The following SLC30A4 variants were observed in gnomAD, a reference collection of about 807,000 sequenced individuals.
SLC30A4 encodes probable proton-coupled zinc antiporter SLC30A4.
SLC30A4 carries 20 observed loss-of-function variants against 41.7 expected under a neutral mutation model. The observed-to-expected ratio is 0.48, with a 90% CI of 0.34 to 0.70. The LOEUF is 0.70. SLC30A4 is among the 30% of genes least tolerant of loss of function. The pLI, the probability that SLC30A4 is intolerant of heterozygous loss-of-function variation, is 0.01. For synonymous variants in SLC30A4, 181 were observed against 195.9 expected (o/e 0.92, Z 0.64); for missense variants, 441 against 529.3 (o/e 0.83, Z 1.64).
intron 2 of SLC30A4, chr15:45,515,749 C>CT (rs1025282766): frequency 1.0e-3 from 147 of 144,874 alleles, no homozygotes; most frequent in African/African-American, 2.1e-3. Flanking sequence ...AATTTCTTTT[C>CT]TTTTTTTTTT....
At chr15:45,485,751 CTT>C (rs1272568983) in intron 7 of SLC30A4, among the ~76,000 whole-genome samples, 1 of 147,692 alleles carries the variant, frequency 6.8e-6, no homozygotes, top group Non-Finnish European at 1.5e-5. Context: ...GAGTTTCGCT[CTT>C]GTTGCCCAGG....
intron 3 of SLC30A4, 60 bp from the exon 4 acceptor site, chr15:45,490,941 A>C: frequency 2.7e-6 from 3 of 1,116,576 alleles, no homozygotes; most frequent in Non-Finnish European, 3.8e-6. Flanking sequence ...ACTTCATACC[A>C]ACTAAATATT....
chr15:45,500,239 T>C (rs573676465), intron 3 of SLC30A4, among the ~76,000 whole-genome samples: 11 of 152,204 alleles, frequency 7.2e-5, no homozygotes, highest in Non-Finnish European at 1.5e-4. Context: ...AACAGAAGGC[T>C]GAAACTAACT....
chr15:45,494,686 TCAAAA>T (rs146741531), intron 3 of SLC30A4, among the ~76,000 whole-genome samples: 56 of 151,416 alleles, frequency 3.7e-4, no homozygotes, highest in African/African-American at 6.1e-4. Context: ...AGACTCTGTC[TCAAAA>T]CAAAACAAAA....
At position 45,481,734 on chromosome 15, in the gene SLC30A4, C is replaced by T. The variant is rs1193001653; in HGVS notation, c.*3429G>A. On this transcript the variant is annotated 3_prime_UTR_variant, in exon 8 of 8. Coordinates refer to ENST00000261867, the MANE Select transcript of SLC30A4 (RefSeq NM_013309.6). ...CAAACGCTTTTTGTCAGAAGTCATT[C>T]AGTCCTTGGTCCTATCTGCTAAGTT... is the stretch of plus-strand genomic sequence containing the variant. The T allele has an allele frequency of 6.6e-6, 1 of 152,156 alleles. No homozygotes were observed. Among genetic ancestry groups the T allele is most frequent in the Non-Finnish European group, 1.5e-5 (1 of 68,026 alleles). The allele number at this position is 152,156 out of a possible 1,614,324, so 9.4% of individuals were successfully genotyped here.
rs533266861 is a variant in SLC30A4 at position 45,500,602 on chromosome 15, T to C, written c.539-9721A>G. 1.5e-3 allele frequency among the ~76,000 whole-genome samples: 227 copies of C among 150,896 alleles called. 1 individual carries two copies. Among genetic ancestry groups the C allele is most frequent in the Admixed American group, 3.0e-3 (44 of 14,906 alleles). ...CCAGTACAACAGTACTATCCAGCTA[T>C]GTTAAGGGTCTGTCTATCTATCTAT... is the stretch of plus-strand genomic sequence containing the variant. On this transcript the variant is annotated intron_variant, in intron 3 of 7. Transcript: ENST00000261867.
intron 2 of SLC30A4, chr15:45,519,746 T>C (rs1226974673): frequency 6.6e-6 from 1 of 152,246 alleles, no homozygotes; most frequent in African/African-American, 2.4e-5. Context: ...AATTATATCT[T>C]AATGATTTTT....
In SLC30A4 at chr15:45,522,248, C is replaced by A; in HGVS notation, c.107G>T (p.Gly36Val). The part of the protein sequence containing the change: ...TSAFDFSDEA[G>V]DEGLSRFNKL... Reference sequence around the variant, plus strand: ...GTTGAACCGAGAAAGCCCCTCGTCCCCCGCCTCATCCGAGAAGTCAAAGGC... The same window carrying A: ...GTTGAACCGAGAAAGCCCCTCGTCCACCGCCTCATCCGAGAAGTCAAAGGC... The change falls in exon 2 of 8, where the codon GGG becomes GTG. Residue 36 changes from glycine (G) to valine (V), a missense_variant. Coordinates refer to ENST00000261867, the MANE Select transcript of SLC30A4 (RefSeq NM_013309.6). 1 of 1,614,220 alleles carries A rather than the reference C, an allele frequency of 6.2e-7. No individual in the cohort carries two copies. Among genetic ancestry groups the A allele is most frequent in the Non-Finnish European group, 8.5e-7 (1 of 1,180,040 alleles).
At chr15:45,508,526 T>C (rs895979437) in intron 3 of SLC30A4, among the ~76,000 whole-genome samples, 3 of 152,206 alleles carry the variant, frequency 2.0e-5, no homozygotes, top group Non-Finnish European at 4.4e-5. Context: ...TCAGAGTATG[T>C]TCTACACATT....
chr15:45,489,390 C>T (rs1193088572), intron 4 of SLC30A4, among the ~76,000 whole-genome samples: 1 of 151,916 alleles, frequency 6.6e-6, no homozygotes, highest in Non-Finnish European at 1.5e-5. Context: ...TTTCTCTAAG[C>T]AGATACCTGA....
At chr15:45,487,426 G>A (rs1363190202) in intron 6 of SLC30A4, 101 bp downstream of exon 6, 2 of 631,712 alleles carry the variant, frequency 3.2e-6, no homozygotes, top group East Asian at 2.6e-5. Flanking sequence ...AAAGGTATTA[G>A]TAAAAAGCAA....
intron 3 of SLC30A4, 21 bp downstream of exon 3, chr15:45,511,117 A>G (rs1892278807): frequency 6.2e-7 from 1 of 1,600,674 alleles, no homozygotes; most frequent in Non-Finnish European, 8.5e-7. Flanking sequence ...TTATAAAGCA[A>G]AAGAAACACC....
At position 45,487,291 on chromosome 15, in the gene SLC30A4, T is replaced by C. The variant is rs528048151; in HGVS notation, c.1000+236A>G. On this transcript the variant is annotated intron_variant, in intron 6 of 7. Coordinates refer to ENST00000261867, the MANE Select transcript of SLC30A4 (RefSeq NM_013309.6). ...CAATTTTCTTATTTGTAAATGGGGA[T>C]AATTTACCACATTATCTGCCTTACC... Among the ~76,000 whole-genome samples the C allele has an allele frequency of 3.9e-5, 6 of 152,348 alleles. No individual in the cohort carries two copies. In the South Asian group the frequency reaches 1.2e-3, roughly 32 times the overall value.
Position 45,488,920 on chromosome 15 carries a change from C to T in SLC30A4, c.815G>A (p.Arg272Lys), listed in dbSNP as rs770957613. 6.2e-7 allele frequency: 1 copy of T among 1,614,066 alleles called. No individual in the cohort carries two copies. Residue 272 changes from arginine to lysine, a missense_variant, in exon 5 of 8, where the codon AGA becomes AAA. Transcript: ENST00000261867. ...RNHGQDSLAVRAAFVHALGDL... is the reference protein window; with the variant it reads ...RNHGQDSLAVKAAFVHALGDL... Reference sequence around the variant, plus strand: ...TCCCAAAGCATGTACAAATGCAGCTCTCACTGCCAGGCTATCCTGCCCATG... The same window carrying T: ...TCCCAAAGCATGTACAAATGCAGCTTTCACTGCCAGGCTATCCTGCCCATG...
In SLC30A4 at chr15:45,522,049, T is replaced by C; in HGVS notation, c.306A>G (p.Arg102=). 1 of 1,614,202 alleles carries C rather than the reference T, an allele frequency of 6.2e-7. No individual in the cohort carries two copies. The highest frequency in any genetic ancestry group is 8.5e-7 in the Non-Finnish European group (1 of 1,180,020). ...VDSCDNCSKQ[R]EILKQRKVKA... ...TCACCTTTCTCTGCTTCAGTATCTC[T>C]CTCTGTTTGCTGCAGTTGTCACAGG... Residue 102 remains arginine, a synonymous_variant, in exon 2 of 8, where the codon AGA becomes AGG. Coordinates refer to ENST00000261867, the MANE Select transcript of SLC30A4 (RefSeq NM_013309.6).
intron 4 of SLC30A4, 69 bp downstream of exon 4, chr15:45,490,659 G>T (rs942265131): frequency 4.3e-6 from 4 of 924,428 alleles, no homozygotes; most frequent in South Asian, 2.0e-5. Flanking sequence ...GAATATTACT[G>T]AATGCATATG....
Position 45,482,572 on chromosome 15 carries a change from A to T in SLC30A4, c.*2591T>A, listed in dbSNP as rs1166377121. 2 of 152,170 alleles carry T rather than the reference A, an allele frequency of 1.3e-5. No individual in the cohort carries two copies. The highest frequency in any genetic ancestry group is 2.9e-5 in the Non-Finnish European group (2 of 68,026). 9.4% of individuals were successfully genotyped at this position (152,170 alleles called of 1,614,324 possible). ...CAAGCTCAATAGATATAAAAAAATG[A>T]TTAGAGTATGATGAATATTTTTTTC... On this transcript the variant is annotated 3_prime_UTR_variant, in exon 8 of 8. Coordinates refer to ENST00000261867, the MANE Select transcript of SLC30A4 (RefSeq NM_013309.6).
intron 3 of SLC30A4, among the ~76,000 whole-genome samples, chr15:45,500,660 C>CTATCT (rs1038806176): frequency 1.7e-4 from 20 of 117,714 alleles, no homozygotes; most frequent in African/African-American, 6.7e-4. Flanking sequence ...ATCTATCTAT[C>CTATCT]TATATGTTTT....
chr15:45,517,164 AAT>A (rs1892505094), intron 2 of SLC30A4, among the ~76,000 whole-genome samples: 2 of 151,854 alleles, frequency 1.3e-5, no homozygotes, highest in African/African-American at 4.8e-5. Flanking sequence ...AAAAAAAAAA[AAT>A]TTGGAACACC....
Sources: allele counts gnomAD v4.1 joint callset (sites outside exome capture counted in the v4.1 genomes callset), GRCh38; gene constraint gnomAD v4.1.1; transcripts MANE v1.5; gene names NCBI Gene and HGNC (gene_info 2026-07-23, HGNC 2026-07-21).